Variants in CD84 observed in about 807,000 individuals in gnomAD.
The protein encoded by CD84 is SLAM family member 5.
CD84 carries 22 observed loss-of-function variants against 33.8 expected under a neutral mutation model. The ratio of observed to expected loss-of-function variants is 0.65; its 90% CI spans 0.46 to 0.93. CD84 has a LOEUF of 0.93. Ranked by LOEUF, CD84 falls within the 40% of genes least tolerant of loss-of-function variation. CD84 has a pLI of 0.00. For synonymous variants in CD84, 154 were observed against 145.2 expected (o/e 1.06, Z -0.44); for missense variants, 400 against 397.6 (o/e 1.01, Z -0.05).
At chr1:160,552,501 C>T (rs1297137498) in intron 4 of CD84, among the ~76,000 whole-genome samples, 1 of 152,196 alleles carries the variant, frequency 6.6e-6, no homozygotes, top group Non-Finnish European at 1.5e-5. Context: ...TAAGTATATA[C>T]AGCACACCTT....
In CD84 at chr1:160,561,737, A is replaced by G. The variant is rs1042111081; in HGVS notation, c.388+3667T>C. ...GAAGTCAAACTGTCTCCGTTTGCAG[A>G]TGACATGATCCTATATCTAGAAAAC... On this transcript the variant is annotated intron_variant, in intron 2 of 6. Transcript: ENST00000368054. 3.9e-5 allele frequency among the ~76,000 whole-genome samples: 6 copies of G among 152,210 alleles called. No homozygotes were observed. In the East Asian group the frequency reaches 1.2e-3, roughly 29 times the overall value.
chr1:160,566,728 T>G lies in CD84; in HGVS notation c.47-983A>C, dbSNP rs12569292. Reference sequence around the variant, plus strand: ...AAAATATGTAAGCATTATGGTGATTTGAGAGAGACCAGCAAGGGGACTTGA... The same window carrying G: ...AAAATATGTAAGCATTATGGTGATTGGAGAGAGACCAGCAAGGGGACTTGA... On this transcript the variant is annotated intron_variant, in intron 1 of 6. Transcript: ENST00000368054. Among the ~76,000 whole-genome samples the G allele has an allele frequency of 2.4e-3, 358 of 152,312 alleles. 10 individuals are homozygous for G. In the East Asian group the frequency reaches 0.049, roughly 21 times the overall value.
chr1:160,565,863 T>C, intron 1 of CD84, 118 bp from the exon 2 acceptor site: 1 of 805,380 alleles, frequency 1.2e-6, no homozygotes. Flanking sequence ...CCCAGTTTCT[T>C]GAGGATGCCT....
At position 160,553,800 on chromosome 1, in the gene CD84, C is replaced by A. The variant is rs757657438; in HGVS notation, c.640+95G>T. 4 of 1,574,394 alleles carry A rather than the reference C, an allele frequency of 2.5e-6. No individual in the cohort carries two copies. In the Admixed American group the frequency reaches 7.1e-5, roughly 28 times the overall value. ...GTGACCAGGCCAAAGATAAAGGAAG[C>A]ACATCTCCCTAGAGAATGTGGCCCA... is the stretch of plus-strand genomic sequence containing the variant. On this transcript the variant is annotated intron_variant, in intron 3 of 6. Transcript: ENST00000368054.
chr1:160,569,213 A>G (rs1335161947), intron 1 of CD84, among the ~76,000 whole-genome samples: 1 of 152,186 alleles, frequency 6.6e-6, no homozygotes, highest in East Asian at 1.9e-4. Flanking sequence ...GGCTAATTCA[A>G]GTAAAGCCTG....
In CD84 at chr1:160,553,496, G is replaced by A. The variant is rs1204297557; in HGVS notation, c.642C>T (p.Asp214=). ...GGTGAGTACGGAAGCCCATTGCGAT[G>A]TCTGGAAATAGAAGATGCAGTGAGT... ...DSISARQLCA[D]IAMGFRTHHT... The change falls in exon 4 of 7, where the codon GAC becomes GAT. Residue 214 remains aspartate (D), a splice_region_variant and synonymous_variant. Coordinates refer to ENST00000368054, the MANE Select transcript of CD84 (RefSeq NM_003874.4). The A allele has an allele frequency of 3.5e-5, 56 of 1,613,980 alleles. No individual in the cohort carries two copies. The highest frequency in any genetic ancestry group is 4.3e-5 in the Non-Finnish European group (51 of 1,179,978).
chr1:160,578,292 C>G (rs1029004591), intron 1 of CD84, among the ~76,000 whole-genome samples: 3 of 152,172 alleles, frequency 2.0e-5, no homozygotes, highest in African/African-American at 7.2e-5. Context: ...TGTCTGGTCT[C>G]TCTCTGGAAG....
chr1:160,543,643 CCT>C lies in CD84; in HGVS notation c.*4611_*4612del, dbSNP rs1050908335. On this transcript the variant is annotated 3_prime_UTR_variant, in exon 7 of 7. Transcript: ENST00000368054. ...TTATTATTATTATTTAGGTATATCC[CCT>C]GTTCTCTCAGTCTAACTGGGGAGGC... The C allele has an allele frequency of 3.0e-5, 3 of 101,336 alleles. No homozygotes were observed. Among genetic ancestry groups the C allele is most frequent in the African/African-American group, 6.8e-5 (2 of 29,280 alleles). The allele number at this position is 101,336 out of a possible 1,614,324, so 6.3% of individuals were successfully genotyped here.
intron 1 of CD84, among the ~76,000 whole-genome samples, chr1:160,567,277 C>T (rs554096660): frequency 1.3e-5 from 2 of 152,316 alleles, no homozygotes; most frequent in South Asian, 4.2e-4. Flanking sequence ...AAAGCGATTT[C>T]TTAACCTGAT....
intron 1 of CD84, among the ~76,000 whole-genome samples, chr1:160,570,203 A>T (rs984486180): frequency 6.6e-6 from 1 of 152,212 alleles, no homozygotes; most frequent in Non-Finnish European, 1.5e-5. Flanking sequence ...ACTTTATGTC[A>T]TTGAAAAACT....
chr1:160,564,360 T>A (rs1299737416), intron 2 of CD84, among the ~76,000 whole-genome samples: 1 of 152,212 alleles, frequency 6.6e-6, no homozygotes, highest in Non-Finnish European at 1.5e-5. Flanking sequence ...AAATAGTTTA[T>A]CAGTTTCTTT....
intron 2 of CD84, among the ~76,000 whole-genome samples, chr1:160,554,601 G>A (rs1234789843): frequency 6.6e-6 from 1 of 152,158 alleles, no homozygotes; most frequent in Non-Finnish European, 1.5e-5. Context: ...ATTGTGAATA[G>A]CACAAAAAAT....
At chr1:160,556,401 C>G (rs1343439643) in intron 2 of CD84, among the ~76,000 whole-genome samples, 1 of 152,124 alleles carries the variant, frequency 6.6e-6, no homozygotes, top group Non-Finnish European at 1.5e-5. Flanking sequence ...AAAAATTTTT[C>G]CCTAAATACA....
intron 2 of CD84, among the ~76,000 whole-genome samples, chr1:160,558,385 C>T (rs1218774529): frequency 6.6e-6 from 1 of 152,152 alleles, no homozygotes; most frequent in East Asian, 1.9e-4. Context: ...CAAACTGCAA[C>T]AGCCCCACAG....
intron 2 of CD84, among the ~76,000 whole-genome samples, chr1:160,556,041 T>G (rs1656587639): frequency 6.6e-6 from 1 of 152,116 alleles, no homozygotes; most frequent in South Asian, 2.1e-4. Flanking sequence ...GTGAACAAAA[T>G]TTTGTGTGTG....
chr1:160,550,789 C>A, intron 5 of CD84, 149 bp downstream of exon 5: 1 of 1,506,258 alleles, frequency 6.6e-7, no homozygotes, highest in Non-Finnish European at 8.8e-7. Context: ...CGTGGCATCA[C>A]TTCCCTGACA....
In CD84 at chr1:160,565,479, C is replaced by T. The variant is rs1466255187; in HGVS notation, c.313G>A (p.Gly105Arg). The T allele has an allele frequency of 3.1e-6, 5 of 1,613,904 alleles. No homozygotes were observed. Among genetic ancestry groups the T allele is most frequent in the Non-Finnish European group, 4.2e-6 (5 of 1,179,886 alleles). The change falls in exon 2 of 7, where the codon GGA becomes AGA. Residue 105 changes from glycine to arginine, a missense_variant. Transcript: ENST00000368054. Reference protein sequence around the residue: ...VISDLRMEDAGDYKADINTQA... With the variant: ...VISDLRMEDARDYKADINTQA... ...GTATTTATGTCTGCTTTGTAGTCTC[C>T]TGCGTCTTCCATCCTCAGATCGCTA...
intron 4 of CD84, chr1:160,551,532 T>A (rs1454712525): frequency 6.1e-6 from 1 of 163,512 alleles, no homozygotes; most frequent in Admixed American, 6.4e-5. Flanking sequence ...GTTTGATTGA[T>A]TCACAGTCTG....
Position 160,579,492 on chromosome 1 carries a change from A to G in CD84, c.-55T>C. The G allele has an allele frequency of 6.3e-7, 1 of 1,596,160 alleles. No individual in the cohort carries two copies. Among genetic ancestry groups the G allele is most frequent in the Non-Finnish European group, 8.5e-7 (1 of 1,171,956 alleles). The stretch of plus-strand genomic sequence containing the variant: ...AGCACGGCACTGTTCTAGCAGAGTC[A>G]GTTTCACTTGAGTTTTCTTCCTCCT... On this transcript the variant is annotated 5_prime_UTR_variant, in exon 1 of 7. Coordinates refer to ENST00000368054, the MANE Select transcript of CD84 (RefSeq NM_003874.4).
Sources: gnomAD v4.1 joint callset for allele counts (sites outside exome capture counted in the v4.1 genomes callset) on GRCh38, gnomAD v4.1.1 for gene constraint, MANE v1.5 for transcripts, NCBI Gene and HGNC (gene_info 2026-07-23, HGNC 2026-07-21) for gene names.